SHISA6: variants seen among roughly 807,000 people sequenced by gnomAD.
SHISA6 encodes protein shisa-6.
Under a neutral mutation model 47.9 loss-of-function variants are expected in SHISA6, and 22 were observed. That is an observed-to-expected ratio of 0.46 (90% CI 0.33 to 0.66). The LOEUF is 0.66. Ranked by LOEUF, SHISA6 falls within the 30% of genes least tolerant of loss-of-function variation. SHISA6 has a pLI of 0.02. For missense variants in SHISA6, 680 were observed against 764.6 expected (o/e 0.89, Z 1.30); for synonymous variants, 388 against 337.8 (o/e 1.15, Z -1.63).
intron 3 of SHISA6, among the ~76,000 whole-genome samples, chr17:11,542,102 C>T (rs1360221031): frequency 6.6e-6 from 1 of 152,166 alleles, no homozygotes; most frequent in African/African-American, 2.4e-5. Flanking sequence ...CCCAGAGCTG[C>T]TCCACCCTCC....
rs1210060287 is a variant in SHISA6 at position 11,285,823 on chromosome 17, GTC to G, written c.799+22311_799+22312del. Among the ~76,000 whole-genome samples the G allele has an allele frequency of 6.6e-5, 10 of 150,720 alleles. No individual in the cohort carries two copies. The East Asian group carries it at 7.8e-4, about 12-fold the overall frequency. ...GGTGGTGCTGGTGGTGTGGCTCTGT[GTC>G]TCTCTCTCTCTCTTTTTTTTTTTTT... On this transcript the variant is annotated intron_variant, in intron 2 of 5. Transcript: ENST00000441885.
intron 2 of SHISA6, among the ~76,000 whole-genome samples, chr17:11,322,374 G>T (rs1195853027): frequency 1.3e-5 from 2 of 152,094 alleles, no homozygotes; most frequent in African/African-American, 2.4e-5. Context: ...TTAGTAGAAA[G>T]AAATTTCTTT....
At chr17:11,268,053 C>T (rs1908492869) in intron 2 of SHISA6, among the ~76,000 whole-genome samples, 1 of 152,062 alleles carries the variant, frequency 6.6e-6, no homozygotes, top group Non-Finnish European at 1.5e-5. Flanking sequence ...TGTCCTGGGG[C>T]CTCTGGGGAG....
At chr17:11,357,964 T>C (rs1320516918) in intron 2 of SHISA6, among the ~76,000 whole-genome samples, 1 of 152,222 alleles carries the variant, frequency 6.6e-6, no homozygotes, top group East Asian at 1.9e-4. Context: ...CTAAGGAAGT[T>C]CATCTCTTCT....
intron 3 of SHISA6, among the ~76,000 whole-genome samples, chr17:11,528,948 T>G (rs764927117): frequency 6.6e-6 from 1 of 152,144 alleles, no homozygotes; most frequent in Non-Finnish European, 1.5e-5. Context: ...ATCCCAGCAC[T>G]TTGGGAAGCC....
intron 3 of SHISA6, among the ~76,000 whole-genome samples, chr17:11,439,292 T>C (rs1232629114): frequency 1.3e-5 from 2 of 152,170 alleles, no homozygotes; most frequent in Non-Finnish European, 2.9e-5. Flanking sequence ...GGGTCATCAG[T>C]AGTGTCCACT....
chr17:11,307,135 TTTG>T (rs1279515954), intron 2 of SHISA6, among the ~76,000 whole-genome samples: 4 of 57,844 alleles, frequency 6.9e-5, no homozygotes, highest in Non-Finnish European at 1.6e-4. Context: ...TTTTTGTTTG[TTTG>T]TTTTCTTTTT....
At chr17:11,468,613 G>T (rs542174444) in intron 3 of SHISA6, among the ~76,000 whole-genome samples, 5 of 152,150 alleles carry the variant, frequency 3.3e-5, no homozygotes, top group Admixed American at 6.5e-5. Context: ...GTCCAAGCCC[G>T]ATTCTCACTG....
chr17:11,263,467 C>T lies in SHISA6; in HGVS notation c.740C>T (p.Pro247Leu), dbSNP rs565776708. ...GATACCTCTCCCAAAGAGAACACGC[C>T]GGTCAGATCGTCCTCCAAAAACCAC... ...AIDTSPKENT[P>L]VRSSSKNHYT... is the part of the protein sequence containing the mutation. The change falls in exon 2 of 6, where the codon CCG (proline) becomes CTG (leucine). Residue 247 changes from proline to leucine, a missense_variant. Around this residue, in one of 2 missense-constraint regions of SHISA6, gnomAD observed 559 missense variants for 674.1 expected, o/e 0.83. Transcript: ENST00000441885. The T allele has an allele frequency of 6.7e-5, 104 of 1,551,610 alleles. No individual in the cohort carries two copies. Among genetic ancestry groups the T allele is most frequent in the African/African-American group, 2.2e-4 (16 of 73,024 alleles).
chr17:11,413,086 C>T (rs1247084506), intron 3 of SHISA6, among the ~76,000 whole-genome samples: 1 of 152,074 alleles, frequency 6.6e-6, no homozygotes, highest in Non-Finnish European at 1.5e-5. Flanking sequence ...TGATTCCTAC[C>T]CACGTGGCTT....
In SHISA6 at chr17:11,551,939, G is replaced by T. The variant is rs1414006839; in HGVS notation, c.939G>T (p.Gln313His). The T allele has an allele frequency of 1.3e-6, 2 of 1,551,540 alleles. No individual in the cohort carries two copies. Among genetic ancestry groups the T allele is most frequent in the African/African-American group, 1.4e-5 (1 of 73,046 alleles). The change falls in exon 4 of 6, where the codon CAG (glutamine) becomes CAT (histidine). Residue 313 changes from glutamine (Q) to histidine (H), a missense_variant. Physicochemically the swap from Gln to His is conservative, Grantham distance 24. Around this residue, in one of 2 missense-constraint regions of SHISA6, gnomAD observed 559 missense variants for 674.1 expected, o/e 0.83. Transcript: ENST00000441885. ...ATCCGATTTTGAGCAGTGTTACCCA[G>T]ATCCCGCCACATGGTGAGAGATGAT... is the stretch of plus-strand genomic sequence containing the variant. ...YNHPILSSVTQIPPHEKPRMN... is the reference protein window; with the variant it reads ...YNHPILSSVTHIPPHEKPRMN...
chr17:11,484,555 C>T (rs1009797054), intron 3 of SHISA6, among the ~76,000 whole-genome samples: 5 of 152,120 alleles, frequency 3.3e-5, no homozygotes, highest in African/African-American at 1.2e-4. Context: ...CATGCACTAC[C>T]ACGCCCAGCT....
rs117776468 is a variant in SHISA6 at position 11,279,425 on chromosome 17, T to G, written c.799+15899T>G. 8.5e-5 allele frequency among the ~76,000 whole-genome samples: 13 copies of G among 152,256 alleles called. No individual in the cohort carries two copies. In the East Asian group the frequency reaches 2.5e-3, roughly 29 times the overall value. On this transcript the variant is annotated intron_variant, in intron 2 of 5. Coordinates refer to ENST00000441885, the MANE Select transcript of SHISA6 (RefSeq NM_207386.4). ...CACAAAATGGTAGCCCTTTGTATTA[T>G]TACTATTAGGGAGCTAGGATCAGTG...
intron 3 of SHISA6, among the ~76,000 whole-genome samples, chr17:11,464,670 C>T (rs571360318): frequency 4.6e-5 from 7 of 152,174 alleles, no homozygotes; most frequent in Non-Finnish European, 7.3e-5. Flanking sequence ...TGGCCGGGCA[C>T]GGTGGCTCAC....
intron 3 of SHISA6, among the ~76,000 whole-genome samples, chr17:11,398,685 C>T (rs1338483391): frequency 6.6e-6 from 1 of 152,082 alleles, no homozygotes; most frequent in Non-Finnish European, 1.5e-5. Context: ...CTCCGTCTCC[C>T]GGGTTCAAGC....
At chr17:11,342,484 G>A (rs1223684860) in intron 2 of SHISA6, among the ~76,000 whole-genome samples, 1 of 152,108 alleles carries the variant, frequency 6.6e-6, no homozygotes, top group Admixed American at 6.5e-5. Context: ...CCTGCAAAGG[G>A]TCTTCGTGAG....
At chr17:11,491,763 G>C (rs1916488167) in intron 3 of SHISA6, among the ~76,000 whole-genome samples, 1 of 127,446 alleles carries the variant, frequency 7.8e-6, no homozygotes, top group Non-Finnish European at 1.7e-5. Flanking sequence ...AGGGAAGCTG[G>C]TGAAGTGTTT....
At chr17:11,548,266 G>A (rs868083645) in intron 3 of SHISA6, among the ~76,000 whole-genome samples, 11 of 152,128 alleles carry the variant, frequency 7.2e-5, no homozygotes, top group South Asian at 2.1e-4. Context: ...GACACTACAC[G>A]TTTTTATTGT....
chr17:11,506,853 T>G (rs540996885), intron 3 of SHISA6, among the ~76,000 whole-genome samples: 1 of 152,312 alleles, frequency 6.6e-6, no homozygotes, highest in South Asian at 2.1e-4. Context: ...TCGCCCCAAC[T>G]GACTCCCAGG....
Sources: gnomAD v4.1 joint callset for allele counts (sites outside exome capture counted in the v4.1 genomes callset) on GRCh38, gnomAD v4.1.1 for gene constraint, gnomAD v4.1.1 regional missense constraint, MANE v1.5 for transcripts, NCBI Gene and HGNC (gene_info 2026-07-23, HGNC 2026-07-21) for gene names.